ZPBP: variants seen among roughly 807,000 people sequenced by gnomAD.
The protein encoded by ZPBP is zona pellucida-binding protein 1.
A neutral mutation model predicts 44.8 loss-of-function variants in ZPBP; 26 were observed. The observed-to-expected ratio is 0.58, with a 90% CI of 0.43 to 0.81. The LOEUF is 0.81. ZPBP is among the 30% of genes least tolerant of loss of function. The pLI, the probability that ZPBP is intolerant of heterozygous loss-of-function variation, is 0.00. For missense variants in ZPBP, 409 were observed against 434.0 expected, an observed-to-expected ratio of 0.94 and a Z score of 0.51; for synonymous variants, 174 against 153.2, an observed-to-expected ratio of 1.14 and a Z score of -1.00.
At chr7:49,985,968 AC>A (rs1411354626) in intron 6 of ZPBP, among the ~76,000 whole-genome samples, 1 of 152,026 alleles carries the variant, frequency 6.6e-6, no homozygotes, top group Non-Finnish European at 1.5e-5. Flanking sequence ...TGCTGGCAGA[AC>A]CCCTTTTTTT....
chr7:50,077,547 GA>G (rs1326276322), intron 3 of ZPBP, among the ~76,000 whole-genome samples: 1 of 151,196 alleles, frequency 6.6e-6, no homozygotes, highest in Non-Finnish European at 1.5e-5. Flanking sequence ...ACAACTATAG[GA>G]AAAAAAACTA....
chr7:49,860,809 A>G lies in ZPBP; in HGVS notation n.510-10295T>C, dbSNP rs564437632. Among the ~76,000 whole-genome samples the G allele has an allele frequency of 1.1e-3, 174 of 152,352 alleles. 1 individual carries two copies. Among genetic ancestry groups the G allele is most frequent in the African/African-American group, 4.0e-3 (165 of 41,582 alleles). On this transcript the variant is annotated intron_variant and non_coding_transcript_variant, in intron 2 of 2. Coordinates refer to the ZPBP transcript ENST00000465922. ...TAATAGGGTTGGTCTCCCTATAAGA[A>G]GAAGAGACACCAAGGATGTGTGCAC...
intron 2 of ZPBP, among the ~76,000 whole-genome samples, chr7:49,854,890 G>T (rs1288701517): frequency 6.6e-6 from 1 of 152,198 alleles, no homozygotes; most frequent in Non-Finnish European, 1.5e-5. Flanking sequence ...TTAGAACTAT[G>T]AAGCTCAAAA....
chr7:49,889,666 G>C (rs1028773853), intron 2 of ZPBP, among the ~76,000 whole-genome samples: 1 of 152,190 alleles, frequency 6.6e-6, no homozygotes, highest in Non-Finnish European at 1.5e-5. Context: ...TTTGCCCTAG[G>C]AGCTCCTCAA....
intron 2 of ZPBP, among the ~76,000 whole-genome samples, chr7:49,873,252 G>T (rs1791248910): frequency 2.0e-5 from 3 of 152,278 alleles, no homozygotes; most frequent in Middle Eastern, 3.4e-3. Flanking sequence ...AGTTTTGGTG[G>T]CTGGAAGTCC....
chr7:49,873,664 T>C (rs1277574791), intron 2 of ZPBP, among the ~76,000 whole-genome samples: 1 of 152,210 alleles, frequency 6.6e-6, no homozygotes, highest in African/African-American at 2.4e-5. Flanking sequence ...TATGCAGTAA[T>C]CATGAATTTT....
chr7:50,090,594 C>T (rs1050261805), intron 1 of ZPBP, among the ~76,000 whole-genome samples: 5 of 142,270 alleles, frequency 3.5e-5, no homozygotes, highest in Admixed American at 7.3e-5. Context: ...TATATATATG[C>T]GTATATATGC....
intron 2 of ZPBP, among the ~76,000 whole-genome samples, chr7:49,854,764 T>C (rs1161595719): frequency 1.3e-5 from 2 of 152,254 alleles, no homozygotes; most frequent in East Asian, 3.8e-4. Flanking sequence ...TTGCTTTTGG[T>C]GTTTTAGACA....
intron 3 of ZPBP, among the ~76,000 whole-genome samples, chr7:50,064,940 C>A (rs1801426108): frequency 6.6e-6 from 1 of 152,100 alleles, no homozygotes; most frequent in African/African-American, 2.4e-5. Flanking sequence ...GAAATCTTTA[C>A]AATTTTATGT....
chr7:50,030,422 T>C (rs1316143285), intron 5 of ZPBP, among the ~76,000 whole-genome samples: 2 of 150,170 alleles, frequency 1.3e-5, no homozygotes, highest in African/African-American at 4.9e-5. Context: ...CAATCCTAGA[T>C]GGCCAAAAAA....
intron 1 of ZPBP, chr7:49,919,078 G>A (rs1444645319): frequency 6.6e-6 from 1 of 151,102 alleles, no homozygotes; most frequent in Non-Finnish European, 1.5e-5. Flanking sequence ...AATCAGTGAT[G>A]GAACTGAGGC....
chr7:49,976,981 A>T (rs926570366), intron 7 of ZPBP, among the ~76,000 whole-genome samples: 20 of 151,924 alleles, frequency 1.3e-4, no homozygotes, highest in African/African-American at 4.4e-4. Context: ...GGGCGCCTGT[A>T]GTCCCAGCTG....
chr7:49,941,243 A>C (rs1275324828), intron 7 of ZPBP, among the ~76,000 whole-genome samples: 1 of 152,188 alleles, frequency 6.6e-6, no homozygotes, highest in Admixed American at 6.6e-5. Context: ...CTTCCTCAAA[A>C]AATTAAAAAT....
intron 7 of ZPBP, among the ~76,000 whole-genome samples, chr7:49,939,700 A>G (rs948348996): frequency 6.6e-6 from 1 of 152,150 alleles, no homozygotes; most frequent in Non-Finnish European, 1.5e-5. Flanking sequence ...AAAAATCATA[A>G]AAGTAACGAT....
chr7:50,089,342 T>C (rs1216580017), intron 2 of ZPBP, among the ~76,000 whole-genome samples: 2 of 152,098 alleles, frequency 1.3e-5, no homozygotes, highest in South Asian at 2.1e-4. Context: ...ATTTGCACTA[T>C]ATACATTTAA....
At chr7:50,068,914 T>C (rs2128839944) in intron 3 of ZPBP, among the ~76,000 whole-genome samples, 1 of 152,336 alleles carries the variant, frequency 6.6e-6, no homozygotes, top group South Asian at 2.1e-4. Context: ...CTGAGATTTT[T>C]ATATTGGTTG....
chr7:50,052,111 C>T (rs948778482), intron 4 of ZPBP, among the ~76,000 whole-genome samples: 2 of 152,006 alleles, frequency 1.3e-5, no homozygotes, highest in African/African-American at 4.8e-5. Context: ...AATTTTAAAA[C>T]AGGCTCTGCA....
Position 50,031,843 on chromosome 7 carries a change from C to CAT in ZPBP, c.488-535_488-534dup, listed in dbSNP as rs145327910. Among the ~76,000 whole-genome samples the CAT allele has an allele frequency of 5.8e-3, 877 of 150,812 alleles. 7 individuals are homozygous for CAT. Among genetic ancestry groups the CAT allele is most frequent in the African/African-American group, 0.02 (843 of 41,246 alleles). ...GGAACTGAGAACACACACACACACA[C>CAT]ATATATATATATATTTTGCCCATCC... On this transcript the variant is annotated intron_variant, in intron 4 of 7. Transcript: ENST00000046087.
At chr7:49,927,708 G>T (rs1794294437) in intron 1 of ZPBP, among the ~76,000 whole-genome samples, 1 of 152,166 alleles carries the variant, frequency 6.6e-6, no homozygotes, top group Non-Finnish European at 1.5e-5. Flanking sequence ...GTACTCAGCA[G>T]CCCATTCCAC....
Sources: gnomAD v4.1 joint callset for allele counts (sites outside exome capture counted in the v4.1 genomes callset) on GRCh38, gnomAD v4.1.1 for gene constraint, MANE v1.5 for transcripts, NCBI Gene and HGNC (gene_info 2026-07-23, HGNC 2026-07-21) for gene names.